AGO1: variants seen among roughly 807,000 people sequenced by gnomAD.
AGO1 encodes the protein argonaute RISC component 1.
In AGO1, 11 loss-of-function variants were observed where a neutral mutation model predicts 109.2. That is an observed-to-expected ratio of 0.10 (90% CI 0.06 to 0.17). AGO1 has a LOEUF of 0.17. Among genes scored for constraint, AGO1 ranks in the 10% least tolerant of loss-of-function variants. The pLI, the probability that AGO1 is intolerant of heterozygous loss-of-function variation, is 1.00. For missense variants in AGO1, 574 were observed against 1,140.3 expected (o/e 0.50, Z 7.15); for synonymous variants, 422 against 418.6 (o/e 1.01, Z -0.10).
At chr1:35,906,844 T>C (rs961659482) in intron 11 of AGO1, 91 bp from the exon 12 acceptor site, 1 of 1,116,312 alleles carries the variant, frequency 9.0e-7, no homozygotes, top group South Asian at 1.5e-5. Context: ...TCAGTGCCTC[T>C]TATAGTGCTA....
chr1:35,895,912 G>A (rs1343783275), intron 8 of AGO1, among the ~76,000 whole-genome samples: 4 of 152,166 alleles, frequency 2.6e-5, no homozygotes, highest in Non-Finnish European at 4.4e-5. Flanking sequence ...TACTCAAAAA[G>A]TGTGGTCATG....
intron 12 of AGO1, among the ~76,000 whole-genome samples, chr1:35,912,866 C>T (rs1225298717): frequency 6.6e-6 from 1 of 152,158 alleles, no homozygotes; most frequent in African/African-American, 2.4e-5. Flanking sequence ...GCCACCGTGC[C>T]CGGCTGGCCT....
intron 17 of AGO1, 103 bp downstream of exon 17, chr1:35,918,526 G>T (rs1444256025): frequency 2.1e-6 from 2 of 973,750 alleles, no homozygotes; most frequent in Non-Finnish European, 3.3e-6. Context: ...TCCAAATTAG[G>T]ATTGCTCTCT....
At position 35,913,831 on chromosome 1, in the gene AGO1, C is replaced by G. The variant is rs1432766602; in HGVS notation, c.1583-11C>G. The stretch of plus-strand genomic sequence containing the variant: ...GTTGAATGCACTAATCATTTCTCTC[C>G]CTGCCCTTAGCTGAGGTGAAACGTG... On this transcript the variant is annotated splice_polypyrimidine_tract_variant and intron_variant, in intron 12 of 18. Transcript: ENST00000373204. 3.7e-6 allele frequency: 6 copies of G among 1,612,912 alleles called. No homozygotes were observed. The highest frequency in any genetic ancestry group is 5.1e-6 in the Non-Finnish European group (6 of 1,179,424).
intron 1 of AGO1, among the ~76,000 whole-genome samples, chr1:35,873,078 A>T (rs1644966177): frequency 1.3e-5 from 2 of 149,560 alleles, no homozygotes; most frequent in African/African-American, 4.9e-5. Context: ...TTATTGGAGT[A>T]TTACTGTCTA....
At chr1:35,879,549 G>C (rs1645018703), upstream of AGO1, among the ~76,000 whole-genome samples, 1 of 151,844 alleles carries the variant, frequency 6.6e-6, no homozygotes, top group South Asian at 2.1e-4. Flanking sequence ...CCTGAGGTCA[G>C]GAGTTTGAGA....
Position 35,921,217 on chromosome 1 carries a change from T to A in AGO1, c.*1610T>A, listed in dbSNP as rs933993252. The stretch of plus-strand genomic sequence containing the variant: ...GCTGGGGAATTTTGCTGCTCCCTAT[T>A]GCTTCTGTTTACAAAAATGAATTTT... On this transcript the variant is annotated 3_prime_UTR_variant, in exon 19 of 19. Transcript: ENST00000373204. 1 of 152,432 alleles carries A rather than the reference T, an allele frequency of 6.6e-6. No homozygotes were observed. The highest frequency in any genetic ancestry group is 1.5e-5 in the Non-Finnish European group (1 of 68,034). The allele number at this position is 152,432 out of a possible 1,614,324, so 9.4% of individuals were successfully genotyped here.
chr1:35,898,337 A>T (rs1645356818), intron 8 of AGO1, among the ~76,000 whole-genome samples: 1 of 151,794 alleles, frequency 6.6e-6, no homozygotes, highest in African/African-American at 2.4e-5. Flanking sequence ...GCTCACTGCA[A>T]GCTCCGCCTC....
At chr1:35,876,320 A>G (rs1215310369) in intron 1 of AGO1, among the ~76,000 whole-genome samples, 2 of 149,654 alleles carry the variant, frequency 1.3e-5, no homozygotes, top group African/African-American at 2.5e-5. Context: ...AGCCTGGAGT[A>G]CAGTGGTGCG....
chr1:35,906,536 C>T (rs541807363), intron 11 of AGO1, among the ~76,000 whole-genome samples: 6 of 152,192 alleles, frequency 3.9e-5, no homozygotes, highest in South Asian at 2.1e-4. Flanking sequence ...TAGCTGGGTG[C>T]GGTGGCTCAT....
intron 15 of AGO1, among the ~76,000 whole-genome samples, chr1:35,917,146 C>T (rs2148724898): frequency 6.6e-6 from 1 of 152,312 alleles, no homozygotes; most frequent in Middle Eastern, 3.4e-3. Context: ...AATTCACCTA[C>T]TCTCTCTGCA....
chr1:35,893,264 C>G lies in AGO1; in HGVS notation c.498C>G (p.His166Gln). 6.2e-7 allele frequency: 1 copy of G among 1,613,820 alleles called. No individual in the cohort carries two copies. ...AAGCCCTGGATGTGGCCATGAGGCA[C>G]CTGGCATCCATGAGGTATTGGGTGT... ...SVQALDVAMR[H>Q]LASMRYTPVG... is the part of the protein sequence containing the mutation. The change falls in exon 4 of 19, where the codon CAC (histidine) becomes CAG (glutamine). Residue 166 changes from histidine to glutamine, a missense_variant. Around this residue, in one of 8 missense-constraint regions of AGO1, gnomAD observed 129 missense variants for 243.0 expected, o/e 0.53. Transcript: ENST00000373204. The surrounding 1 kb of genome is among the most constrained non-coding windows in gnomAD (Gnocchi z 5.6).
chr1:35,890,669 G>T (rs1272813305), intron 2 of AGO1, among the ~76,000 whole-genome samples: 4 of 152,108 alleles, frequency 2.6e-5, no homozygotes, highest in African/African-American at 9.7e-5. Context: ...TAAATTGCTA[G>T]GAGTGGGACT....
upstream of AGO1, among the ~76,000 whole-genome samples, chr1:35,880,391 A>G (rs1645025721): frequency 1.3e-5 from 2 of 152,022 alleles, no homozygotes; most frequent in Non-Finnish European, 2.9e-5. Context: ...TCTCTACAAT[A>G]AGTAAGTAAA....
intron 16 of AGO1, 66 bp from the exon 17 acceptor site, chr1:35,918,256 T>G: frequency 1.6e-6 from 2 of 1,283,958 alleles, no homozygotes; most frequent in Non-Finnish European, 2.3e-6. Context: ...CAGAGTAGAA[T>G]TGAGCCAGGG....
chr1:35,926,084 A>T lies in AGO1; in HGVS notation c.*6477A>T, dbSNP rs1006231276. 1 of 152,236 alleles carries T rather than the reference A, an allele frequency of 6.6e-6. No individual in the cohort carries two copies. Among genetic ancestry groups the T allele is most frequent in the African/African-American group, 2.4e-5 (1 of 41,454 alleles). The allele number at this position is 152,236 out of a possible 1,614,324, so 9.4% of individuals were successfully genotyped here. ...TTGAAGAGCAGATTGGACATGGAGC[A>T]GATTTTGACCAGTTGAAATAAGACA... On this transcript the variant is annotated 3_prime_UTR_variant, in exon 19 of 19. Transcript: ENST00000373204.
Position 35,914,000 on chromosome 1 carries a change from C to A in AGO1, c.1741C>A (p.Arg581Ser). The A allele has an allele frequency of 6.2e-7, 1 of 1,613,922 alleles. No individual in the cohort carries two copies. The highest frequency in any genetic ancestry group is 1.7e-5 in the Admixed American group (1 of 59,996). ...GINNILVPHQ[R>S]SAVFQQPVIF... ...TAACAACATCCTAGTCCCACACCAG[C>A]GGTATGAACTCTGTTGTCCACTTGC... is the stretch of plus-strand genomic sequence containing the variant. The change falls in exon 13 of 19, where the codon CGC (arginine) becomes AGC (serine). Residue 581 changes from arginine to serine, a missense_variant and splice_region_variant. Around this residue, in one of 8 missense-constraint regions of AGO1, gnomAD observed 68 missense variants for 200.2 expected, o/e 0.34. Coordinates refer to ENST00000373204, the MANE Select transcript of AGO1 (RefSeq NM_012199.5).
At chr1:35,880,263 A>G (rs1434452533), upstream of AGO1, among the ~76,000 whole-genome samples, 1 of 151,794 alleles carries the variant, frequency 6.6e-6, no homozygotes, top group East Asian at 1.9e-4. Flanking sequence ...CCTTTGCCCT[A>G]GTGTAACTGA....
In AGO1 at chr1:35,926,627, C is replaced by T. The variant is rs949518256; in HGVS notation, c.*7020C>T. 1.3e-5 allele frequency: 2 copies of T among 152,180 alleles called. No homozygotes were observed. Among genetic ancestry groups the T allele is most frequent in the East Asian group, 3.8e-4 (2 of 5,198 alleles). 9.4% of individuals were successfully genotyped at this position (152,180 alleles called of 1,614,324 possible). ...ATGTCGAATTGGAAAATTAGCTCACCATTTTTGTTCTAGCTTTGCAGACAT... is the reference window on the plus strand; with the variant it reads ...ATGTCGAATTGGAAAATTAGCTCACTATTTTTGTTCTAGCTTTGCAGACAT... On this transcript the variant is annotated 3_prime_UTR_variant, in exon 19 of 19. Transcript: ENST00000373204.
Sources: gnomAD v4.1 joint callset for allele counts (sites outside exome capture counted in the v4.1 genomes callset) on GRCh38, gnomAD v4.1.1 for gene constraint, gnomAD v4.1.1 regional missense constraint, Gnocchi (gnomAD v3.1) non-coding constraint, MANE v1.5 for transcripts, NCBI Gene and HGNC (gene_info 2026-07-23, HGNC 2026-07-21) for gene names.